ZNF500: variants seen among roughly 807,000 people sequenced by gnomAD.
ZNF500 encodes zinc finger protein with KRAB and SCAN domains 18.
A neutral mutation model predicts 30.1 loss-of-function variants in ZNF500; 31 were observed. The ratio of observed to expected loss-of-function variants is 1.03; its 90% CI spans 0.77 to 1.39. The LOEUF is 1.39. ZNF500 is among the 40% of genes most tolerant of loss of function. The pLI is 0.00. For synonymous variants in ZNF500, 392 were observed against 282.0 expected, an observed-to-expected ratio of 1.39 and a Z score of -3.91; for missense variants, 817 against 657.8, an observed-to-expected ratio of 1.24 and a Z score of -2.65.
downstream of ZNF500, chr16:4,747,614 G>A (rs758896042): frequency 6.2e-7 from 1 of 1,607,332 alleles, no homozygotes; most frequent in South Asian, 1.1e-5. Context: ...GCCTCCTCTG[G>A]AGCAACTATA....
chr16:4,752,157 C>G lies in ZNF500; in HGVS notation c.*219G>C, dbSNP rs2082086338. The G allele has an allele frequency of 2.2e-6, 3 of 1,381,010 alleles. No individual in the cohort carries two copies. Among genetic ancestry groups the G allele is most frequent in the South Asian group, 3.8e-5 (2 of 52,252 alleles). 85.5% of individuals were successfully genotyped at this position (1,381,010 alleles called of 1,614,324 possible). A position where few individuals can be genotyped will look rare whatever the true frequency, so the allele number is the denominator to read the frequency against. ...CCCTGCTCTGTGTCACCTGTTCTGG[C>G]TGCCACTGGACACTCAGAGCCTGTC... On this transcript the variant is annotated 3_prime_UTR_variant, in exon 6 of 6. Coordinates refer to ENST00000219478, the MANE Select transcript of ZNF500 (RefSeq NM_021646.4).
At chr16:4,754,202 G>A (rs781155603) in intron 5 of ZNF500, among the ~76,000 whole-genome samples, 1 of 152,156 alleles carries the variant, frequency 6.6e-6, no homozygotes, top group Non-Finnish European at 1.5e-5. Flanking sequence ...CACAGGGGAG[G>A]GACAGAACCA....
downstream of ZNF500, chr16:4,747,007 CT>C: frequency 6.5e-7 from 1 of 1,535,242 alleles, no homozygotes; most frequent in Non-Finnish European, 8.7e-7. Context: ...GGGGCATCTC[CT>C]TCCTCCCTGG....
At chr16:4,745,110 G>A, downstream of ZNF500, 2 of 1,424,356 alleles carry the variant, frequency 1.4e-6, no homozygotes, top group Non-Finnish European at 1.9e-6. Flanking sequence ...CACTCCATGT[G>A]CATTTTCTCA....
At chr16:4,757,046 G>C (rs551876931) in intron 5 of ZNF500, among the ~76,000 whole-genome samples, 3 of 152,212 alleles carry the variant, frequency 2.0e-5, no homozygotes, top group African/African-American at 7.2e-5. Context: ...GACAGAGTGA[G>C]ACCCTGTCTC....
intron 4 of ZNF500, among the ~76,000 whole-genome samples, chr16:4,762,054 G>A (rs561566585): frequency 3.3e-5 from 5 of 152,238 alleles, no homozygotes; most frequent in South Asian, 2.1e-4. Context: ...GGGCACAGCC[G>A]AGTACTTAAA....
rs767235544 is a variant in ZNF500, at chr16:4,765,992, C to A, written c.-14G>T. The A allele has an allele frequency of 4.6e-6, 7 of 1,533,790 alleles. No homozygotes were observed. The highest frequency in any genetic ancestry group is 6.1e-6 in the Non-Finnish European group (7 of 1,146,334). ...GACAGTGGCCATTGCTTCCGGTGGG[C>A]CTTGTTCCTTTTCAGGCCTTAGAGT... is the stretch of plus-strand genomic sequence containing the variant. On this transcript the variant is annotated 5_prime_UTR_variant, in exon 2 of 6. Transcript: ENST00000219478.
chr16:4,758,974 C>G lies in ZNF500; in HGVS notation c.760+1518G>C, dbSNP rs577601968. 3.3e-5 allele frequency among the ~76,000 whole-genome samples: 5 copies of G among 152,286 alleles called. No homozygotes were observed. In the East Asian group the frequency reaches 7.7e-4, roughly 23 times the overall value. On this transcript the variant is annotated intron_variant, in intron 5 of 5. Coordinates refer to ENST00000219478, the MANE Select transcript of ZNF500 (RefSeq NM_021646.4). Reference sequence around the variant, plus strand: ...CCTGTAATCCCAGCACTTAGGGAGGCTGAGGCAGGCAGATCACTTGAGATC... The same window carrying G: ...CCTGTAATCCCAGCACTTAGGGAGGGTGAGGCAGGCAGATCACTTGAGATC...
chr16:4,763,261 G>T, intron 2 of ZNF500: 1 of 372,020 alleles, frequency 2.7e-6, no homozygotes, highest in Non-Finnish European at 3.7e-6. Flanking sequence ...AGCCAGGCAT[G>T]GTGGCAGCAC....
downstream of ZNF500, chr16:4,746,574 A>C (rs2082020085): frequency 1.3e-6 from 2 of 1,543,706 alleles, no homozygotes; most frequent in Non-Finnish European, 1.8e-6. Flanking sequence ...TGTTGACCGC[A>C]CAGAGCCTCT....
downstream of ZNF500, chr16:4,746,336 A>G (rs368083343): frequency 8.2e-6 from 13 of 1,584,268 alleles, no homozygotes; most frequent in African/African-American, 1.5e-4. Context: ...GAGTTATCAC[A>G]GAGAACTGAC....
intron 2 of ZNF500, chr16:4,763,936 G>A: frequency 1.0e-6 from 1 of 985,470 alleles, no homozygotes; most frequent in Non-Finnish European, 1.2e-6. Context: ...CAGCTGGTCA[G>A]CACTGCCCAT....
chr16:4,765,476 G>T (rs2082253873), intron 2 of ZNF500, 89 bp downstream of exon 2: 2 of 1,497,550 alleles, frequency 1.3e-6, no homozygotes, highest in Admixed American at 4.6e-5. Flanking sequence ...AGCCACACTT[G>T]GTCACCCAAT....
downstream of ZNF500, chr16:4,747,417 C>G (rs1447279971): frequency 1.2e-6 from 2 of 1,613,026 alleles, no homozygotes; most frequent in Admixed American, 3.3e-5. Flanking sequence ...CCCGAGCTGC[C>G]TGCCAGCAAG....
At chr16:4,747,152 G>C, downstream of ZNF500, 2 of 1,208,406 alleles carry the variant, frequency 1.7e-6, no homozygotes, top group Non-Finnish European at 2.3e-6. Flanking sequence ...GGGTGAGGGG[G>C]ACGGCACAGC....
rs1404201097 is a variant in ZNF500, at chr16:4,752,859, C to T, written c.960G>A (p.Gly320=). The part of the protein sequence containing the change: ...GPPPGRRASH[G]ADKPYTCPEC... ...CGGGGCAGGTGTACGGCTTGTCAGC[C>T]CCATGGGAAGCCCGTCTTCCTGGTG... The change falls in exon 6 of 6, where the codon GGG becomes GGA. Residue 320 remains glycine, a synonymous_variant. Transcript: ENST00000219478. The T allele has an allele frequency of 6.2e-7, 1 of 1,614,176 alleles. No individual in the cohort carries two copies. Among genetic ancestry groups the T allele is most frequent in the Admixed American group, 1.7e-5 (1 of 60,030 alleles).
chr16:4,763,073 G>C (rs1567537395), intron 2 of ZNF500: 1 of 985,320 alleles, frequency 1.0e-6, no homozygotes, highest in African/African-American at 1.7e-5. Flanking sequence ...ACTAATTTCA[G>C]AAGTTCACAG....
chr16:4,744,995 G>A (rs1322456752), downstream of ZNF500: 1 of 1,613,318 alleles, frequency 6.2e-7, no homozygotes, highest in East Asian at 2.2e-5. Flanking sequence ...CACCAAAGAG[G>A]CAGATTCAGG....
intron 2 of ZNF500, among the ~76,000 whole-genome samples, chr16:4,764,863 G>C (rs959612046): frequency 1.3e-5 from 2 of 151,938 alleles, no homozygotes; most frequent in Non-Finnish European, 2.9e-5. Context: ...GGCAGCTACT[G>C]TTTTGCATGG....
Sources: gnomAD v4.1 joint callset for allele counts (sites outside exome capture counted in the v4.1 genomes callset) on GRCh38, gnomAD v4.1.1 for gene constraint, MANE v1.5 for transcripts, NCBI Gene and HGNC (gene_info 2026-07-23, HGNC 2026-07-21) for gene names.